FNIP2: variants seen among roughly 807,000 people sequenced by gnomAD.
FNIP2 encodes the protein folliculin-interacting protein 2.
A neutral mutation model predicts 108.7 loss-of-function variants in FNIP2; 32 were observed. The observed-to-expected ratio is 0.29, with a 90% CI of 0.22 to 0.40. The LOEUF (loss-of-function observed/expected upper bound fraction) is 0.40, where lower values mean the gene tolerates loss of function less well. Among genes scored for constraint, FNIP2 ranks in the 10% least tolerant of loss-of-function variants. FNIP2 has a pLI of 1.00. For missense variants in FNIP2, 1,202 were observed against 1,381.6 expected, an observed-to-expected ratio of 0.87 and a Z score of 2.06; for synonymous variants, 480 against 496.7, an observed-to-expected ratio of 0.97 and a Z score of 0.45.
In FNIP2 at chr4:158,869,198, C is replaced by T; in HGVS notation, c.2562C>T (p.Ala854=). The T allele has an allele frequency of 1.2e-6, 2 of 1,614,012 alleles. No homozygotes were observed. Among genetic ancestry groups the T allele is most frequent in the East Asian group, 4.5e-5 (2 of 44,882 alleles). The change falls in exon 13 of 17, where the codon GCC becomes GCT. Residue 854 remains alanine (A), a synonymous_variant. Coordinates refer to ENST00000264433, the MANE Select transcript of FNIP2 (RefSeq NM_020840.3). ...AAEGPVLEPV[A]PRCVQRGPGL... is the part of the protein sequence containing the mutation. ...AAGGACCTGTGCTGGAGCCTGTTGC[C>T]CCCAGGTGTGTCCAGCGGGGCCCTG...
chr4:158,806,198 TC>T, intron 1 of FNIP2: 1 of 1,271,338 alleles, frequency 7.9e-7, no homozygotes, highest in Middle Eastern at 2.3e-4. Context: ...TGTCTCCAAG[TC>T]CATGTTTATG....
intron 1 of FNIP2, among the ~76,000 whole-genome samples, chr4:158,820,598 T>G (rs532708681): frequency 6.6e-6 from 1 of 152,330 alleles, no homozygotes; most frequent in East Asian, 1.9e-4. Context: ...GAGCAACAGA[T>G]GCATTCCTTG....
chr4:158,791,380 T>G (rs1272303479), intron 1 of FNIP2, among the ~76,000 whole-genome samples: 1 of 150,074 alleles, frequency 6.7e-6, no homozygotes, highest in Non-Finnish European at 1.5e-5. Context: ...ACCTCCCAGG[T>G]TCAAGTGATT....
intron 7 of FNIP2, among the ~76,000 whole-genome samples, chr4:158,849,807 A>G (rs1001549381): frequency 2.6e-5 from 4 of 152,186 alleles, no homozygotes; most frequent in African/African-American, 9.7e-5. Context: ...TGGTTAAAAA[A>G]AAAAAAAAGT....
chr4:158,833,513 C>T lies in FNIP2; in HGVS notation c.555-15C>T, dbSNP rs775138293. Reference sequence around the variant, plus strand: ...TTGTCCTCTTTCTCCTTTTCCCCCCCATCTCCGGATATAGCTTGCAAGACA... The same window carrying T: ...TTGTCCTCTTTCTCCTTTTCCCCCCTATCTCCGGATATAGCTTGCAAGACA... On this transcript the variant is annotated splice_polypyrimidine_tract_variant and intron_variant, in intron 5 of 16. Coordinates refer to ENST00000264433, the MANE Select transcript of FNIP2 (RefSeq NM_020840.3). The T allele has an allele frequency of 6.5e-7, 1 of 1,529,300 alleles. No homozygotes were observed. Among genetic ancestry groups the T allele is most frequent in the Non-Finnish European group, 8.9e-7 (1 of 1,129,246 alleles). The allele number at this position is 1,529,300 out of a possible 1,614,324, so 94.7% of individuals were successfully genotyped here. A position where few individuals can be genotyped will look rare whatever the true frequency, so the allele number is the denominator to read the frequency against.
chr4:158,793,511 A>G (rs142501605), intron 1 of FNIP2, among the ~76,000 whole-genome samples: 87 of 152,314 alleles, frequency 5.7e-4, no homozygotes, highest in African/African-American at 2.1e-3. Flanking sequence ...CAGTTTGACT[A>G]ATTGCTATAA....
intron 7 of FNIP2, among the ~76,000 whole-genome samples, chr4:158,846,371 A>G (rs1779405777): frequency 6.6e-6 from 1 of 152,174 alleles, no homozygotes; most frequent in African/African-American, 2.4e-5. Context: ...CCGCTAGCAG[A>G]TAGCAGCTTT....
chr4:158,797,268 C>A (rs139261277), intron 1 of FNIP2, among the ~76,000 whole-genome samples: 3 of 152,296 alleles, frequency 2.0e-5, no homozygotes, highest in African/African-American at 7.2e-5. Context: ...ACTAACTTAA[C>A]CTCTACATAG....
chr4:158,826,179 A>G, intron 2 of FNIP2, 137 bp downstream of exon 2: 2 of 1,236,898 alleles, frequency 1.6e-6, no homozygotes, highest in Non-Finnish European at 2.2e-6. Flanking sequence ...AACATAAGCA[A>G]GCATTGAATC....
intron 12 of FNIP2, among the ~76,000 whole-genome samples, chr4:158,862,466 CAATT>C (rs796077650): frequency 1.2e-4 from 18 of 152,208 alleles, no homozygotes; most frequent in African/African-American, 4.1e-4. Context: ...TGTTCTAAAT[CAATT>C]AAAGAATTTG....
chr4:158,830,922 T>C (rs1043918499), intron 3 of FNIP2, among the ~76,000 whole-genome samples: 6 of 152,142 alleles, frequency 3.9e-5, no homozygotes, highest in African/African-American at 1.2e-4. Flanking sequence ...TGTATTGGGG[T>C]ATACGATTCT....
rs200668158 is a variant in FNIP2, at chr4:158,790,057, A to G, written c.107+20738A>G. Among the ~76,000 whole-genome samples the G allele has an allele frequency of 5.9e-5, 9 of 152,184 alleles. No individual in the cohort carries two copies. The East Asian group carries it at 1.8e-3, about 30-fold the overall frequency. ...CCCAACACAATCAAAACTGCTACAT[A>G]TGCAAAATTATTAAAAATATTATAT... On this transcript the variant is annotated intron_variant, in intron 1 of 16. Coordinates refer to ENST00000264433, the MANE Select transcript of FNIP2 (RefSeq NM_020840.3).
At position 158,869,334 on chromosome 4, in the gene FNIP2, A is replaced by G. The variant is rs750766862; in HGVS notation, c.2698A>G (p.Ser900Gly). Residue 900 changes from serine to glycine, a missense_variant, in exon 13 of 17, where the codon AGT becomes GGT. Ser to Gly is a moderately conservative substitution (Grantham distance 56, BLOSUM62 0). Transcript: ENST00000264433. ...AAGCTCAGATAGCGCCCTGGGAGAC[A>G]GTGACGACGAAGCCTGCGCTTCAGC... ...NESSDSALGD[S>G]DDEACASAML... 1 of 1,613,596 alleles carries G rather than the reference A, an allele frequency of 6.2e-7. No homozygotes were observed. The highest frequency in any genetic ancestry group is 8.5e-7 in the Non-Finnish European group (1 of 1,179,738).
At chr4:158,883,463 G>A (rs913080660) in intron 14 of FNIP2, among the ~76,000 whole-genome samples, 3 of 152,100 alleles carry the variant, frequency 2.0e-5, no homozygotes, top group South Asian at 2.1e-4. Context: ...GGATGGTCTC[G>A]ATCTCCTGAC....
rs1462780204 is a variant in FNIP2, at chr4:158,872,746, TTTTTTAA to T, written c.2949+2278_2949+2284del. 1.1e-3 allele frequency: 1,099 copies of T among 983,742 alleles called. 8 individuals carry two copies. In the African/African-American group the frequency reaches 0.018, roughly 16 times the overall value. The allele number at this position is 983,742 out of a possible 1,614,324, so 60.9% of individuals were successfully genotyped here. ...GGTCTATGGTAGTGTTTTTTTTTTT[TTTTTTAA>T]AAAACAGGCTTACTTTCAACATCCA... On this transcript the variant is annotated intron_variant, in intron 14 of 16. Coordinates refer to ENST00000264433, the MANE Select transcript of FNIP2 (RefSeq NM_020840.3).
At chr4:158,903,641 A>G (rs1398192368) in intron 16 of FNIP2, among the ~76,000 whole-genome samples, 1 of 152,210 alleles carries the variant, frequency 6.6e-6, no homozygotes, top group African/African-American at 2.4e-5. Context: ...CAGTAGCACT[A>G]AAAGTACTAG....
At chr4:158,875,536 ATATATG>A (rs1316801663) in intron 14 of FNIP2, among the ~76,000 whole-genome samples, 6 of 109,634 alleles carry the variant, frequency 5.5e-5, no homozygotes, top group African/African-American at 1.6e-4. Context: ...ATATATATAT[ATATATG>A]CTCATGAATA....
chr4:158,854,170 CA>C (rs1779854797), intron 8 of FNIP2, among the ~76,000 whole-genome samples: 1 of 152,226 alleles, frequency 6.6e-6, no homozygotes, highest in Non-Finnish European at 1.5e-5. Flanking sequence ...TTCTTTATTG[CA>C]ATGTCCCCAT....
intron 14 of FNIP2, chr4:158,872,285 CA>C: frequency 1.0e-6 from 1 of 985,342 alleles, no homozygotes; most frequent in African/African-American, 1.7e-5. Flanking sequence ...TTTATGTTTC[CA>C]TAGGCTGGCA....
Sources: gnomAD v4.1 joint callset for allele counts (sites outside exome capture counted in the v4.1 genomes callset) on GRCh38, gnomAD v4.1.1 for gene constraint, MANE v1.5 for transcripts, NCBI Gene and HGNC (gene_info 2026-07-23, HGNC 2026-07-21) for gene names.